The following MAOB variants were observed in gnomAD, a reference collection of about 807,000 sequenced individuals.
The protein encoded by MAOB is amine oxidase [flavin-containing] B.
MAOB carries 15 observed loss-of-function variants against 41.9 expected under a neutral mutation model. That is an observed-to-expected ratio of 0.36 (90% confidence interval 0.24 to 0.55). The LOEUF is 0.55. Ranked by LOEUF, MAOB falls within the 20% of genes least tolerant of loss-of-function variation. MAOB has a pLI of 0.86. For missense variants in MAOB, 345 were observed against 398.7 expected (o/e 0.87, Z 1.15); for synonymous variants, 167 against 144.2 (o/e 1.16, Z -1.13).
chrX:43,864,346 C>CT (rs1209360966), intron 1 of MAOB, among the ~76,000 whole-genome samples: 1 of 111,254 alleles, frequency 9.0e-6, no homozygotes, highest in East Asian at 2.8e-4. Flanking sequence ...TTACCAAATG[C>CT]TTACTGTTTA....
intron 8 of MAOB, among the ~76,000 whole-genome samples, chrX:43,786,908 A>T (rs1231552379): frequency 9.0e-6 from 1 of 111,690 alleles, no homozygotes; most frequent in African/African-American, 3.3e-5. Flanking sequence ...CATGGAAGAG[A>T]TTTCTGCCAC....
At position 43,819,571 on chromosome X, in the gene MAOB, G is replaced by A. The variant is rs1182935561; in HGVS notation, c.280-16167C>T. Among the ~76,000 whole-genome samples the A allele has an allele frequency of 3.6e-5, 4 of 111,421 alleles. No individual in the cohort carries two copies. In the East Asian group the frequency reaches 1.1e-3, roughly 31 times the overall value. On this transcript the variant is annotated intron_variant, in intron 3 of 14. Transcript: ENST00000378069. ...CTAACAAACCACCAACATGCTATTCGCCACCTCCAAGTCTGTGTCTTGAGG... is the reference window on the plus strand; with the variant it reads ...CTAACAAACCACCAACATGCTATTCACCACCTCCAAGTCTGTGTCTTGAGG...
chrX:43,784,250 A>G (rs1357270077), intron 8 of MAOB, among the ~76,000 whole-genome samples: 2 of 112,689 alleles, frequency 1.8e-5, no homozygotes, highest in Non-Finnish European at 3.7e-5. Context: ...TGGCATTGAC[A>G]ATAGTGAACT....
chrX:43,842,391 CA>C (rs2035147208), intron 2 of MAOB, among the ~76,000 whole-genome samples: 1 of 111,664 alleles, frequency 9.0e-6, no homozygotes, highest in South Asian at 3.7e-4. Flanking sequence ...TGGCTTTTAT[CA>C]AAAAGAGGAA....
intron 7 of MAOB, among the ~76,000 whole-genome samples, chrX:43,794,205 G>A (rs1310003299): frequency 9.0e-6 from 1 of 111,384 alleles, no homozygotes; most frequent in African/African-American, 3.3e-5. Flanking sequence ...CTGTTCCTTG[G>A]TCACACCAGG....
rs2034279358 is a variant in MAOB, at chrX:43,777,899, A to G, written c.1137+783T>C. ...AAAACTTAGCAGTCTGATGAATGTC[A>G]TGAGAACACCAATTCATCATTTTAA... On this transcript the variant is annotated intron_variant, in intron 11 of 14. Coordinates refer to ENST00000378069, the MANE Select transcript of MAOB (RefSeq NM_000898.5). 6.2e-5 allele frequency among the ~76,000 whole-genome samples: 7 copies of G among 112,019 alleles called. No individual in the cohort carries two copies. In the Admixed American group the frequency reaches 6.6e-4, roughly 11 times the overall value.
Position 43,781,439 on chromosome X carries a change from G to T in MAOB, c.1025+9C>A, listed in dbSNP as rs1408029227. 2 of 1,118,843 alleles carry T rather than the reference G, an allele frequency of 1.8e-6. No homozygotes were observed. Among genetic ancestry groups the T allele is most frequent in the Admixed American group, 2.5e-5 (1 of 40,589 alleles). The allele number at this position is 1,118,843 out of a possible 1,213,427, so 92.2% of individuals were successfully genotyped here. On this transcript the variant is annotated intron_variant, in intron 9 of 14. Coordinates refer to ENST00000378069, the MANE Select transcript of MAOB (RefSeq NM_000898.5). ...GAATAGCAGCCACAACACCATAATT[G>T]TGCCTTACCCCATTATGGCAGCATA...
intron 3 of MAOB, among the ~76,000 whole-genome samples, chrX:43,816,153 C>T (rs1183122347): frequency 9.0e-6 from 1 of 111,546 alleles, no homozygotes; most frequent in African/African-American, 3.3e-5. Flanking sequence ...AGTTTTAAAA[C>T]AGGGAAAATT....
chrX:43,791,581 C>T (rs144716671), intron 8 of MAOB, among the ~76,000 whole-genome samples: 2,194 of 110,852 alleles, frequency 0.02, 62 homozygotes, highest in South Asian at 0.18. Flanking sequence ...CACGGTGAAA[C>T]CCCATCTCTA....
At chrX:43,785,658 G>T (rs1234983364) in intron 8 of MAOB, among the ~76,000 whole-genome samples, 1 of 112,291 alleles carries the variant, frequency 8.9e-6, no homozygotes, top group Non-Finnish European at 1.9e-5. Context: ...AGCAAGAGAT[G>T]TGCAGCACTT....
At chrX:43,806,970 T>C (rs1001492244) in intron 3 of MAOB, among the ~76,000 whole-genome samples, 1 of 111,670 alleles carries the variant, frequency 9.0e-6, no homozygotes, top group African/African-American at 3.3e-5. Context: ...TCCAGACTCA[T>C]CTTCTATTTT....
chrX:43,826,386 G>A (rs1176835835), intron 3 of MAOB, among the ~76,000 whole-genome samples: 1 of 111,831 alleles, frequency 8.9e-6, no homozygotes, highest in African/African-American at 3.3e-5. Context: ...GCTCACATAC[G>A]GGTAAAGACC....
At chrX:43,772,028 T>G (rs1235719784) in intron 12 of MAOB, among the ~76,000 whole-genome samples, 1 of 111,949 alleles carries the variant, frequency 8.9e-6, no homozygotes, top group African/African-American at 3.2e-5. Flanking sequence ...AGAAGAAACA[T>G]TTCTTAAGAA....
rs190860448 is a variant in MAOB, at chrX:43,804,958, G to C, written c.280-1554C>G. On this transcript the variant is annotated intron_variant, in intron 3 of 14. Coordinates refer to ENST00000378069, the MANE Select transcript of MAOB (RefSeq NM_000898.5). The stretch of plus-strand genomic sequence containing the variant: ...CTTAACACTATTGAGGTGTACTTTA[G>C]CTACAATGTACTCATTTTATTTTAG... Among the ~76,000 whole-genome samples the C allele has an allele frequency of 5.3e-3, 590 of 111,608 alleles. 4 individuals are homozygous for C. Among genetic ancestry groups the C allele is most frequent in the African/African-American group, 0.017 (538 of 30,800 alleles).
chrX:43,820,607 C>A (rs1176057709), intron 3 of MAOB, among the ~76,000 whole-genome samples: 1 of 111,908 alleles, frequency 8.9e-6, no homozygotes, highest in Admixed American at 9.5e-5. Context: ...TCCGTTTTTG[C>A]GTACAGATAC....
At chrX:43,848,979 T>C (rs768246154) in intron 1 of MAOB, among the ~76,000 whole-genome samples, 18 of 112,245 alleles carry the variant, frequency 1.6e-4, no homozygotes, top group Non-Finnish European at 2.8e-4. Flanking sequence ...TTTCTAGTTA[T>C]TTAACACAAA....
intron 8 of MAOB, among the ~76,000 whole-genome samples, chrX:43,792,839 A>C (rs1251320681): frequency 8.9e-6 from 1 of 111,769 alleles, no homozygotes; most frequent in Non-Finnish European, 1.9e-5. Flanking sequence ...TATATACCCA[A>C]AGGAATATAA....
At chrX:43,808,529 G>T (rs1046939624) in intron 3 of MAOB, among the ~76,000 whole-genome samples, 3 of 110,907 alleles carry the variant, frequency 2.7e-5, no homozygotes, top group African/African-American at 9.9e-5. Flanking sequence ...TGACACATGG[G>T]ACTTGGCCTG....
chrX:43,828,922 C>T (rs184922953), intron 3 of MAOB, among the ~76,000 whole-genome samples: 4 of 111,955 alleles, frequency 3.6e-5, no homozygotes. Context: ...TGCTTTGTAT[C>T]TATCAAAATC....
Sources: allele counts gnomAD v4.1 joint callset (sites outside exome capture counted in the v4.1 genomes callset), GRCh38; gene constraint gnomAD v4.1.1; transcripts MANE v1.5; gene names NCBI Gene and HGNC (gene_info 2026-07-23, HGNC 2026-07-21).